CCSER1: variants seen among roughly 807,000 people sequenced by gnomAD.
The protein encoded by CCSER1 is serine-rich coiled-coil domain-containing protein 1.
A neutral mutation model predicts 82.0 loss-of-function variants in CCSER1; 41 were observed. The ratio of observed to expected loss-of-function variants is 0.50; its 90% CI spans 0.39 to 0.65. CCSER1 has a LOEUF of 0.65. Ranked by LOEUF, CCSER1 falls within the 30% of genes least tolerant of loss-of-function variation. CCSER1 has a pLI of 0.00. For missense variants in CCSER1, 1,119 were observed against 1,064.2 expected (o/e 1.05, Z -0.72); for synonymous variants, 414 against 383.9 (o/e 1.08, Z -0.92).
chr4:91,604,798 A>G lies in CCSER1; in HGVS notation c.*5741A>G, dbSNP rs1383943095. On this transcript the variant is annotated 3_prime_UTR_variant, in exon 11 of 11. Transcript: ENST00000509176. The stretch of plus-strand genomic sequence containing the variant: ...AAGGAATTGAAGTGAAATGAGGAAT[A>G]CAAATTTACTTGTCCTAAATTTTTA... 1 of 152,052 alleles carries G rather than the reference A, an allele frequency of 6.6e-6. No individual in the cohort carries two copies. The highest frequency in any genetic ancestry group is 1.5e-5 in the Non-Finnish European group (1 of 67,928). 9.4% of individuals were successfully genotyped at this position (152,052 alleles called of 1,614,324 possible).
At chr4:90,391,443 G>GGTAT (rs1554021182) in intron 3 of CCSER1, among the ~76,000 whole-genome samples, 2 of 36,940 alleles carry the variant, frequency 5.4e-5, no homozygotes, top group Non-Finnish European at 1.0e-4. Context: ...AATATATGGG[G>GGTAT]GTATATATAT....
intron 5 of CCSER1, among the ~76,000 whole-genome samples, chr4:90,493,508 A>G (rs1768428823): frequency 6.6e-6 from 1 of 152,240 alleles, no homozygotes. Context: ...AAGGGCAGCC[A>G]GAGAGAAAGG....
chr4:90,516,362 T>C (rs1344104728), intron 5 of CCSER1, among the ~76,000 whole-genome samples: 1 of 152,130 alleles, frequency 6.6e-6, no homozygotes, highest in Non-Finnish European at 1.5e-5. Context: ...GAAAGCTGGA[T>C]ACAGGCATTA....
At chr4:90,728,642 C>T (rs1404123489) in intron 7 of CCSER1, among the ~76,000 whole-genome samples, 1 of 152,026 alleles carries the variant, frequency 6.6e-6, no homozygotes, top group African/African-American at 2.4e-5. Context: ...TGAGCCCAAC[C>T]TTAGCAATAT....
At chr4:91,205,793 G>GT (rs144786860) in intron 10 of CCSER1, among the ~76,000 whole-genome samples, 2,410 of 151,352 alleles carry the variant, frequency 0.016, 56 homozygotes, top group African/African-American at 0.054. Flanking sequence ...AAAAATAAAC[G>GT]TTTTTTAAAA....
chr4:90,923,805 C>G (rs750396094), intron 9 of CCSER1, among the ~76,000 whole-genome samples: 2 of 152,162 alleles, frequency 1.3e-5, no homozygotes, highest in Non-Finnish European at 1.5e-5. Flanking sequence ...TGTTTGTAAT[C>G]ACCAAAGGTG....
chr4:90,544,533 C>A (rs1200571028), intron 5 of CCSER1, among the ~76,000 whole-genome samples: 1 of 152,088 alleles, frequency 6.6e-6, no homozygotes, highest in South Asian at 2.1e-4. Context: ...TATTGACAAA[C>A]CCCAGAAGCT....
chr4:90,847,402 T>A (rs1763349850), intron 8 of CCSER1, among the ~76,000 whole-genome samples: 1 of 152,174 alleles, frequency 6.6e-6, no homozygotes, highest in South Asian at 2.1e-4. Context: ...CTCAGAAGTC[T>A]CCCTCAGGAT....
intron 9 of CCSER1, among the ~76,000 whole-genome samples, chr4:90,973,164 T>A (rs977297079): frequency 7.3e-5 from 11 of 151,308 alleles, no homozygotes; most frequent in Non-Finnish European, 1.5e-4. Flanking sequence ...GACAAGTAGG[T>A]TTTTTCATCA....
intron 1 of CCSER1, among the ~76,000 whole-genome samples, chr4:90,307,192 G>A (rs1734443681): frequency 1.3e-5 from 2 of 152,100 alleles, no homozygotes; most frequent in South Asian, 4.1e-4. Flanking sequence ...CGTAGCAGTT[G>A]ATGAGTTGTA....
chr4:90,718,022 AAAG>A, intron 6 of CCSER1, among the ~76,000 whole-genome samples: 1 of 152,120 alleles, frequency 6.6e-6, no homozygotes, highest in Middle Eastern at 3.4e-3. Flanking sequence ...ACGTCTAAAA[AAAG>A]AAATATATTT....
chr4:90,841,632 G>A (rs970452072), intron 8 of CCSER1, among the ~76,000 whole-genome samples: 6 of 149,478 alleles, frequency 4.0e-5, no homozygotes, highest in Admixed American at 1.3e-4. Context: ...TGTTTTCCCT[G>A]ACATAGTCTG....
chr4:91,414,686 A>G (rs1753247799), intron 10 of CCSER1, among the ~76,000 whole-genome samples: 1 of 152,162 alleles, frequency 6.6e-6, no homozygotes, highest in Non-Finnish European at 1.5e-5. Context: ...CTTTAGCCAT[A>G]AAGACAAACA....
At chr4:91,561,368 G>A (rs190939315) in intron 10 of CCSER1, among the ~76,000 whole-genome samples, 1 of 151,438 alleles carries the variant, frequency 6.6e-6, no homozygotes, top group Admixed American at 6.6e-5. Flanking sequence ...AATATTGTTA[G>A]TTTTTCCTGG....
intron 6 of CCSER1, among the ~76,000 whole-genome samples, chr4:90,653,729 A>T (rs1729202794): frequency 6.6e-6 from 1 of 152,068 alleles, no homozygotes; most frequent in Non-Finnish European, 1.5e-5. Context: ...ATATGCTTTT[A>T]TATTTATTTA....
chr4:91,093,178 A>T (rs775885344), intron 10 of CCSER1, among the ~76,000 whole-genome samples: 3 of 152,178 alleles, frequency 2.0e-5, no homozygotes, highest in Admixed American at 6.5e-5. Context: ...TGGCTTCAAT[A>T]ACATCATCCA....
At chr4:90,956,874 C>T (rs1204908588) in intron 9 of CCSER1, among the ~76,000 whole-genome samples, 2 of 149,208 alleles carry the variant, frequency 1.3e-5, no homozygotes, top group African/African-American at 4.9e-5. Flanking sequence ...TGAGCTCAAG[C>T]ATTCCTCCTG....
At chr4:90,754,570 A>C (rs1013161594) in intron 7 of CCSER1, among the ~76,000 whole-genome samples, 1 of 152,100 alleles carries the variant, frequency 6.6e-6, no homozygotes, top group East Asian at 1.9e-4. Context: ...TCAAGATACA[A>C]CCTGGTTCAG....
intron 3 of CCSER1, among the ~76,000 whole-genome samples, chr4:90,385,618 C>G (rs1749914731): frequency 6.6e-6 from 1 of 151,744 alleles, no homozygotes; most frequent in African/African-American, 2.4e-5. Context: ...CACCACCACA[C>G]CTGGCTAATT....
Sources: gnomAD v4.1 joint callset for allele counts (sites outside exome capture counted in the v4.1 genomes callset) on GRCh38, gnomAD v4.1.1 for gene constraint, MANE v1.5 for transcripts, NCBI Gene and HGNC (gene_info 2026-07-23, HGNC 2026-07-21) for gene names.